VSIG1: variants seen among roughly 807,000 people sequenced by gnomAD.
VSIG1 encodes the protein V-set and immunoglobulin domain containing 1, also known as V-set and immunoglobulin domain-containing protein 1.
A neutral mutation model predicts 20.1 loss-of-function variants in VSIG1; 11 were observed. That is an observed-to-expected ratio of 0.55 (90% CI 0.34 to 0.91). The LOEUF (loss-of-function observed/expected upper bound fraction) is 0.91. Ranked by LOEUF, VSIG1 falls within the 40% of genes least tolerant of loss-of-function variation. VSIG1 has a pLI of 0.02. For missense variants in VSIG1, 283 were observed against 298.8 expected (o/e 0.95, Z 0.39); for synonymous variants, 126 against 116.7 (o/e 1.08, Z -0.52).
intron 2 of VSIG1, among the ~76,000 whole-genome samples, chrX:108,065,289 G>A (rs780012330): frequency 1.8e-5 from 2 of 111,515 alleles, no homozygotes; most frequent in African/African-American, 6.5e-5. Context: ...ACAGTACAAG[G>A]AATTAGGAAA....
the VSIG1 span, among the ~76,000 whole-genome samples, chrX:108,025,483 T>C: frequency 8.9e-6 from 1 of 112,010 alleles, no homozygotes; most frequent in African/African-American, 3.2e-5. Flanking sequence ...GGACATTGAA[T>C]TGATAAAAAT....
intron 2 of VSIG1, 143 bp downstream of exon 2, chrX:108,058,344 C>T (rs2030952925): frequency 1.8e-6 from 1 of 556,406 alleles, no homozygotes; most frequent in Non-Finnish European, 2.8e-6. Flanking sequence ...TTGAAGACAG[C>T]TGTATAGAGA....
chrX:108,031,360 A>G, the VSIG1 span, among the ~76,000 whole-genome samples: 1 of 112,281 alleles, frequency 8.9e-6, no homozygotes, highest in Non-Finnish European at 1.9e-5. Context: ...GCCAATCATT[A>G]ATCATGTACT....
upstream of VSIG1, among the ~76,000 whole-genome samples, chrX:108,042,531 CTATAATCACT>C: frequency 9.0e-6 from 1 of 111,719 alleles, no homozygotes; most frequent in Non-Finnish European, 1.9e-5. Flanking sequence ...GGTCACACTA[CTATAATCACT>C]TATGGGGCAT....
chrX:108,044,836 G>A (rs1013256998), upstream of VSIG1: 19 of 223,833 alleles, frequency 8.5e-5, no homozygotes, highest in Non-Finnish European at 8.0e-6. Flanking sequence ...TTTAAACAAT[G>A]AGACTTAGAG....
At chrX:108,019,895 G>A in the VSIG1 span, among the ~76,000 whole-genome samples, 1 of 111,505 alleles carries the variant, frequency 9.0e-6, no homozygotes, top group South Asian at 3.8e-4. Flanking sequence ...TTAGGAACCT[G>A]AAGCAGGAGC....
chrX:108,045,667 C>T (rs1031919958), intron 1 of VSIG1, among the ~76,000 whole-genome samples: 6 of 112,042 alleles, frequency 5.4e-5, no homozygotes, highest in African/African-American at 1.9e-4. Context: ...TGTGGTTTTC[C>T]AATCCTAAGA....
chrX:108,046,492 C>T (rs774285161), intron 1 of VSIG1, among the ~76,000 whole-genome samples: 238 of 110,960 alleles, frequency 2.1e-3, no homozygotes, highest in African/African-American at 7.5e-3. Context: ...TACCTGTTTC[C>T]CTATGTGAAG....
At chrX:108,043,477 G>A (rs750407957), upstream of VSIG1, among the ~76,000 whole-genome samples, 1 of 112,392 alleles carries the variant, frequency 8.9e-6, no homozygotes, top group African/African-American at 3.2e-5. Context: ...AACTACTGGA[G>A]AATAATCAAT....
chrX:108,028,069 A>G, the VSIG1 span, among the ~76,000 whole-genome samples: 1 of 111,815 alleles, frequency 8.9e-6, no homozygotes, highest in Admixed American at 9.5e-5. Flanking sequence ...TGACCATCCA[A>G]GGCAGAAGCT....
At chrX:108,072,962 G>C in intron 4 of VSIG1, 130 bp downstream of exon 4, 1 of 707,708 alleles carries the variant, frequency 1.4e-6, no homozygotes, top group Non-Finnish European at 2.0e-6. Context: ...GGGTGGAGGG[G>C]GGCGGCTGGT....
chrX:108,058,906 C>T (rs55727269), intron 2 of VSIG1, among the ~76,000 whole-genome samples: 1 of 110,103 alleles, frequency 9.1e-6, no homozygotes, highest in Non-Finnish European at 1.9e-5. Flanking sequence ...CCCAAAGATT[C>T]AAATTGTATA....
chrX:108,044,687 T>C (rs1387365126), upstream of VSIG1, among the ~76,000 whole-genome samples: 1 of 111,721 alleles, frequency 9.0e-6, no homozygotes. Flanking sequence ...TAACTTAATT[T>C]GTAAAAGGAG....
At chrX:108,052,475 G>A (rs778193913) in intron 1 of VSIG1, among the ~76,000 whole-genome samples, 57 of 109,931 alleles carry the variant, frequency 5.2e-4, no homozygotes, top group African/African-American at 1.8e-3. Context: ...AATTAGCTGG[G>A]CATGGTGGCA....
chrX:108,054,040 T>A (rs889491816), intron 1 of VSIG1, among the ~76,000 whole-genome samples: 5 of 111,657 alleles, frequency 4.5e-5, no homozygotes, highest in African/African-American at 1.6e-4. Context: ...TTAAATTTGA[T>A]GACATAGGAA....
chrX:108,022,074 C>T, the VSIG1 span, among the ~76,000 whole-genome samples: 1 of 111,330 alleles, frequency 9.0e-6, no homozygotes, highest in Non-Finnish European at 1.9e-5. Context: ...ATCAGCTTGT[C>T]GATTTCTCTA....
At chrX:108,046,103 T>C (rs1343488977) in intron 1 of VSIG1, among the ~76,000 whole-genome samples, 1 of 111,887 alleles carries the variant, frequency 8.9e-6, no homozygotes, top group African/African-American at 3.2e-5. Context: ...GGATTATAGA[T>C]GATTTTAATT....
intron 3 of VSIG1, among the ~76,000 whole-genome samples, chrX:108,067,431 C>A (rs1405727582): frequency 9.0e-6 from 1 of 111,589 alleles, no homozygotes; most frequent in Non-Finnish European, 1.9e-5. Flanking sequence ...ATGAGACAAT[C>A]CACTGTCCCA....
chrX:108,028,713 A>C, the VSIG1 span, among the ~76,000 whole-genome samples: 2 of 111,744 alleles, frequency 1.8e-5, no homozygotes, highest in Admixed American at 9.5e-5. Context: ...CAAAAGGTCC[A>C]TCTGTATAGG....
Sources: gnomAD v4.1 joint callset for allele counts (sites outside exome capture counted in the v4.1 genomes callset) on GRCh38, gnomAD v4.1.1 for gene constraint, MANE v1.5 for transcripts, NCBI Gene and HGNC (gene_info 2026-07-23, HGNC 2026-07-21) for gene names.